PROS1: variants seen among roughly 807,000 people sequenced by gnomAD.
PROS1 encodes vitamin K-dependent protein S.
In PROS1, 29 loss-of-function variants were observed where a neutral mutation model predicts 75.9. That is an observed-to-expected ratio of 0.38 (90% CI 0.28 to 0.52). The LOEUF is 0.52. Ranked by LOEUF, PROS1 falls within the 20% of genes least tolerant of loss-of-function variation. The pLI is 0.83. For missense variants in PROS1, 680 were observed against 810.3 expected (o/e 0.84, Z 1.95); for synonymous variants, 245 against 280.6 (o/e 0.87, Z 1.27).
At chr3:93,931,521 T>G (rs969360327) in intron 1 of PROS1, among the ~76,000 whole-genome samples, 1 of 152,340 alleles carries the variant, frequency 6.6e-6, no homozygotes. Flanking sequence ...GTCTACCTAC[T>G]TTCCAAGAAT....
rs8178608 is a variant in PROS1 at position 93,935,078 on chromosome 3, C to G, written c.77-7671G>C. 2.8e-3 allele frequency among the ~76,000 whole-genome samples: 423 copies of G among 152,238 alleles called. 2 individuals carry two copies. The highest frequency in any genetic ancestry group is 9.5e-3 in the African/African-American group (395 of 41,552). On this transcript the variant is annotated intron_variant, in intron 1 of 14. Coordinates refer to ENST00000394236, the MANE Select transcript of PROS1 (RefSeq NM_000313.4). Reference sequence around the variant, plus strand: ...TGATAGAATACACGGCTTTATTACCCAGAAAAAAAGTTACACTGGCCATTT... The same window carrying G: ...TGATAGAATACACGGCTTTATTACCGAGAAAAAAAGTTACACTGGCCATTT...
intron 1 of PROS1, among the ~76,000 whole-genome samples, chr3:93,965,278 A>C (rs569312518): frequency 7.5e-4 from 114 of 152,280 alleles, no homozygotes; most frequent in African/African-American, 2.7e-3. Context: ...CGCCGTCCAC[A>C]ACTGCTGTTT....
intron 1 of PROS1, among the ~76,000 whole-genome samples, chr3:93,932,243 T>A (rs1302274064): frequency 1.3e-5 from 2 of 152,228 alleles, no homozygotes; most frequent in Admixed American, 1.3e-4. Flanking sequence ...CTGTTCTAAG[T>A]AGATTAAAAT....
At chr3:93,910,741 G>T in intron 3 of PROS1, 36 bp from the exon 4 acceptor site, 1 of 1,513,266 alleles carries the variant, frequency 6.6e-7, no homozygotes, top group South Asian at 1.2e-5. Flanking sequence ...TCTTAGAGTA[G>T]ACACACATAC....
chr3:93,918,291 A>G (rs962933757), intron 3 of PROS1, among the ~76,000 whole-genome samples: 1 of 151,878 alleles, frequency 6.6e-6, no homozygotes, highest in Non-Finnish European at 1.5e-5. Flanking sequence ...AAAACAGACC[A>G]CTCGCTCTAT....
intron 1 of PROS1, among the ~76,000 whole-genome samples, chr3:93,963,129 C>T (rs1034866691): frequency 2.0e-5 from 3 of 152,116 alleles, no homozygotes; most frequent in Admixed American, 6.6e-5. Flanking sequence ...GAGATCTCCA[C>T]GATTTGTGCA....
In PROS1 at chr3:93,940,409, A is replaced by C. The variant is rs148367996; in HGVS notation, c.77-13002T>G. ...ATATGGAGGCTACCCACTCCACATT[A>C]CCTTCTTTTCAAGGGCGTGTTTCCC... On this transcript the variant is annotated intron_variant, in intron 1 of 14. Coordinates refer to ENST00000394236, the MANE Select transcript of PROS1 (RefSeq NM_000313.4). Among the ~76,000 whole-genome samples the C allele has an allele frequency of 8.0e-4, 121 of 152,052 alleles. 2 individuals carry two copies. In the East Asian group the frequency reaches 0.022, roughly 28 times the overall value.
At chr3:93,972,250 A>G (rs1056515547) in intron 1 of PROS1, among the ~76,000 whole-genome samples, 2 of 152,252 alleles carry the variant, frequency 1.3e-5, no homozygotes, top group African/African-American at 4.8e-5. Context: ...TAATAAGCGC[A>G]TGTAGTTACA....
At chr3:93,936,723 G>A (rs1366423863) in intron 1 of PROS1, among the ~76,000 whole-genome samples, 2 of 152,192 alleles carry the variant, frequency 1.3e-5, no homozygotes, top group Non-Finnish European at 2.9e-5. Context: ...GTAGCAGCCT[G>A]AGCAGACTAA....
chr3:93,934,217 A>T (rs1709149232), intron 1 of PROS1, among the ~76,000 whole-genome samples: 1 of 151,968 alleles, frequency 6.6e-6, no homozygotes. Context: ...TGGTAAAAAA[A>T]TAATAATAAT....
intron 1 of PROS1, among the ~76,000 whole-genome samples, chr3:93,954,969 T>A (rs564827523): frequency 1.3e-5 from 2 of 152,136 alleles, no homozygotes; most frequent in Admixed American, 1.3e-4. Context: ...AACAGACACA[T>A]GAAAAATGCT....
chr3:93,938,955 C>G (rs1398138307), intron 1 of PROS1, among the ~76,000 whole-genome samples: 1 of 152,138 alleles, frequency 6.6e-6, no homozygotes, highest in African/African-American at 2.4e-5. Flanking sequence ...TCACCACCCC[C>G]CTTCTCCATG....
At chr3:93,934,433 G>A (rs1709152627) in intron 1 of PROS1, among the ~76,000 whole-genome samples, 3 of 152,094 alleles carry the variant, frequency 2.0e-5, no homozygotes, top group Admixed American at 2.0e-4. Context: ...TATTATCCTT[G>A]CTTTTCTCTA....
intron 1 of PROS1, among the ~76,000 whole-genome samples, chr3:93,971,732 A>T (rs1709885590): frequency 6.6e-6 from 1 of 151,080 alleles, no homozygotes; most frequent in Non-Finnish European, 1.5e-5. Flanking sequence ...TGAGCTCGGG[A>T]GGGGGAGGTT....
At chr3:93,885,242 C>T (rs1315998149) in intron 11 of PROS1, among the ~76,000 whole-genome samples, 1 of 152,060 alleles carries the variant, frequency 6.6e-6, no homozygotes, top group Non-Finnish European at 1.5e-5. Context: ...TGTTTATCTT[C>T]TTTGTTTGTT....
At chr3:93,951,314 T>A (rs1051275640) in intron 1 of PROS1, among the ~76,000 whole-genome samples, 3 of 151,886 alleles carry the variant, frequency 2.0e-5, no homozygotes, top group Non-Finnish European at 4.4e-5. Context: ...AAAGTTGAAA[T>A]GAAGGAAAAA....
At chr3:93,972,793 G>C (rs1709898980) in intron 1 of PROS1, among the ~76,000 whole-genome samples, 1 of 152,074 alleles carries the variant, frequency 6.6e-6, no homozygotes, top group African/African-American at 2.4e-5. Context: ...AGGTTGCATT[G>C]AGCGGAGATC....
chr3:93,970,377 C>T (rs1394799506), intron 1 of PROS1, among the ~76,000 whole-genome samples: 1 of 152,180 alleles, frequency 6.6e-6, no homozygotes, highest in African/African-American at 2.4e-5. Context: ...CGCTCTATCA[C>T]CCAGGCTGGA....
intron 12 of PROS1, among the ~76,000 whole-genome samples, chr3:93,881,726 A>T (rs548463580): frequency 6.6e-6 from 1 of 151,990 alleles, no homozygotes; most frequent in East Asian, 1.9e-4. Flanking sequence ...GGCTTGGCTA[A>T]TTTTTGTATT....
Sources: gnomAD v4.1 joint callset for allele counts (sites outside exome capture counted in the v4.1 genomes callset) on GRCh38, gnomAD v4.1.1 for gene constraint, MANE v1.5 for transcripts, NCBI Gene and HGNC (gene_info 2026-07-23, HGNC 2026-07-21) for gene names.